Variants in STOX1 observed in about 807,000 individuals in gnomAD.
STOX1 encodes the protein storkhead-box protein 1.
A neutral mutation model predicts 74.8 loss-of-function variants in STOX1; 57 were observed. The observed-to-expected ratio is 0.76, with a 90% CI of 0.62 to 0.95. STOX1 has a LOEUF of 0.95. STOX1 is among the 40% of genes least tolerant of loss of function. The pLI is 0.00. For synonymous variants in STOX1, 375 were observed against 401.3 expected (o/e 0.93, Z 0.78); for missense variants, 1,010 against 1,117.0 (o/e 0.90, Z 1.37).
At chr10:68,855,751 A>AG (rs1218317991) in intron 1 of STOX1, among the ~76,000 whole-genome samples, 37 of 149,820 alleles carry the variant, frequency 2.5e-4, no homozygotes, top group African/African-American at 9.0e-4. Flanking sequence ...GGCTAAAAAA[A>AG]GGAAAAAAAA....
intron 3 of STOX1, among the ~76,000 whole-genome samples, chr10:68,888,526 T>C (rs1042532041): frequency 6.6e-6 from 1 of 152,304 alleles, no homozygotes; most frequent in African/African-American, 2.4e-5. Flanking sequence ...ATTTTGCATG[T>C]TGCTTTTTAA....
At chr10:68,879,118 C>T (rs1270556591) in intron 1 of STOX1, among the ~76,000 whole-genome samples, 1 of 152,126 alleles carries the variant, frequency 6.6e-6, no homozygotes, top group Non-Finnish European at 1.5e-5. Flanking sequence ...CTGGCCTCCC[C>T]CAGCTCTCAC....
At chr10:68,842,505 C>T (rs78299973) in intron 1 of STOX1, among the ~76,000 whole-genome samples, 6 of 148,570 alleles carry the variant, frequency 4.0e-5, no homozygotes, top group South Asian at 2.1e-4. Context: ...CTTGTTGATG[C>T]GAGGTGCCTC....
chr10:68,853,881 T>C (rs1408902550), intron 1 of STOX1, among the ~76,000 whole-genome samples: 1 of 151,760 alleles, frequency 6.6e-6, no homozygotes, highest in Non-Finnish European at 1.5e-5. Flanking sequence ...GCCAGGGTTT[T>C]TCCATGTTGG....
downstream of STOX1, among the ~76,000 whole-genome samples, chr10:68,894,812 A>T (rs145602987): frequency 9.4e-3 from 1,437 of 152,250 alleles, 10 homozygotes; most frequent in Middle Eastern, 0.017. Flanking sequence ...TGCAGCCTCG[A>T]CCTGTTGGAC....
chr10:68,859,725 G>A (rs1268246444), intron 1 of STOX1, among the ~76,000 whole-genome samples: 6 of 151,978 alleles, frequency 3.9e-5, no homozygotes, highest in African/African-American at 1.5e-4. Context: ...TTCTAAAAAT[G>A]ACTTGAACAA....
rs1344446486 is a variant in STOX1, at chr10:68,877,411, A to G, written c.311-4547A>G. ...GTGTTTCATACATTTCTCCTTGGTA[A>G]TTAAAAGTAGTGCTTTTTGAAAAAT... is the stretch of plus-strand genomic sequence containing the variant. On this transcript the variant is annotated intron_variant, in intron 1 of 3. Coordinates refer to ENST00000298596, the MANE Select transcript of STOX1 (RefSeq NM_152709.5). Among the ~76,000 whole-genome samples the G allele has an allele frequency of 2.0e-5, 3 of 152,330 alleles. No homozygotes were observed. In the East Asian group the frequency reaches 5.8e-4, roughly 29 times the overall value.
At chr10:68,875,795 G>T (rs1235554591) in intron 1 of STOX1, among the ~76,000 whole-genome samples, 1 of 152,116 alleles carries the variant, frequency 6.6e-6, no homozygotes, top group Non-Finnish European at 1.5e-5. Flanking sequence ...CTGTCATTAG[G>T]CACCAGGGAG....
intron 1 of STOX1, among the ~76,000 whole-genome samples, chr10:68,842,086 G>A (rs1839704366): frequency 6.6e-6 from 1 of 152,152 alleles, no homozygotes; most frequent in South Asian, 2.1e-4. Context: ...GTGACCTGGG[G>A]CAGAGCAGTC....
In STOX1 at chr10:68,886,384, C is replaced by T; in HGVS notation, c.2588C>T (p.Ala863Val). The T allele has an allele frequency of 6.2e-7, 1 of 1,614,162 alleles. No individual in the cohort carries two copies. Among genetic ancestry groups the T allele is most frequent in the East Asian group, 2.2e-5 (1 of 44,888 alleles). Reference sequence around the variant, plus strand: ...TTTGATTACTATAGCGCAAGAAAAGCCAGTTTTGAAGCTGAAGTCATACAA... The same window carrying T: ...TTTGATTACTATAGCGCAAGAAAAGTCAGTTTTGAAGCTGAAGTCATACAA... ...RIFDYYSARK[A>V]SFEAEVIQDT... The change falls in exon 3 of 4, where the codon GCC (alanine) becomes GTC (valine). Residue 863 changes from alanine to valine, a missense_variant. Transcript: ENST00000298596.
intron 1 of STOX1, among the ~76,000 whole-genome samples, chr10:68,857,799 GC>G (rs1424368140): frequency 2.0e-5 from 3 of 152,024 alleles, no homozygotes; most frequent in African/African-American, 7.3e-5. Flanking sequence ...CCAGGCTGGA[GC>G]CTGAGGTGGT....
chr10:68,853,278 C>T lies in STOX1; in HGVS notation c.310+25345C>T, dbSNP rs988845198. Among the ~76,000 whole-genome samples, 12 of 152,196 alleles carry T rather than the reference C, an allele frequency of 7.9e-5. No homozygotes were observed. The South Asian group carries it at 1.7e-3, about 21-fold the overall frequency. On this transcript the variant is annotated intron_variant, in intron 1 of 3. Coordinates refer to ENST00000298596, the MANE Select transcript of STOX1 (RefSeq NM_152709.5). ...GTGCTAGGACCCAATCCGCTGGGTT[C>T]GCCTTAAGCAGCACTTATTCAGCTA...
chr10:68,858,701 A>C (rs547066831), intron 1 of STOX1, among the ~76,000 whole-genome samples: 55 of 152,114 alleles, frequency 3.6e-4, no homozygotes, highest in African/African-American at 1.1e-3. Context: ...GAGGGTGGGC[A>C]ATGGGGTAGA....
Position 68,885,046 on chromosome 10 carries a change from G to A in STOX1, c.1250G>A (p.Gly417Asp). The A allele has an allele frequency of 6.2e-7, 1 of 1,614,120 alleles. No homozygotes were observed. The highest frequency in any genetic ancestry group is 1.1e-5 in the South Asian group (1 of 91,074). Residue 417 changes from glycine (G) to aspartate (D), a missense_variant, in exon 3 of 4, where the codon GGT becomes GAT. Physicochemically the swap from Gly to Asp is moderately conservative, Grantham distance 94 (BLOSUM62 -1). Transcript: ENST00000298596. ...PSKEGVKKRQ[G>D]LSAKPQGQGH... ...AAAGAGGGGGTTAAGAAAAGGCAGG[G>A]TCTGTCTGCAAAACCTCAAGGGCAG... is the stretch of plus-strand genomic sequence containing the variant.
chr10:68,886,721 G>C, intron 3 of STOX1, 103 bp downstream of exon 3: 1 of 1,007,542 alleles, frequency 9.9e-7, no homozygotes, highest in South Asian at 1.3e-5. Flanking sequence ...GAGGTCAAGA[G>C]ATTGAGACCA....
intron 1 of STOX1, among the ~76,000 whole-genome samples, chr10:68,855,694 C>T (rs1301272790): frequency 1.3e-5 from 2 of 151,766 alleles, no homozygotes; most frequent in East Asian, 1.9e-4. Flanking sequence ...ATCCTCCCAC[C>T]TCAGCCTCCC....
At chr10:68,843,936 T>A (rs1020986955) in intron 1 of STOX1, among the ~76,000 whole-genome samples, 1 of 151,964 alleles carries the variant, frequency 6.6e-6, no homozygotes, top group Non-Finnish European at 1.5e-5. Context: ...ATCCCAGCAC[T>A]TTGGGAGGCC....
chr10:68,892,627 A>G lies in STOX1; in HGVS notation c.2861A>G (p.Asp954Gly). The change falls in exon 4 of 4, where the codon GAT (aspartate) becomes GGT (glycine). Residue 954 changes from aspartate to glycine, a missense_variant. Physicochemically the swap from Asp to Gly is moderately conservative, Grantham distance 94. Coordinates refer to ENST00000298596, the MANE Select transcript of STOX1 (RefSeq NM_152709.5). ...GGATCTAATAATTCAGTCATTTTGGATGGACTAAAAAGAAGACAGAATTTT... is the reference window on the plus strand; with the variant it reads ...GGATCTAATAATTCAGTCATTTTGGGTGGACTAAAAAGAAGACAGAATTTT... ...SLGSNNSVIL[D>G]GLKRRQNFLQ... 1 of 1,613,530 alleles carries G rather than the reference A, an allele frequency of 6.2e-7. No homozygotes were observed. The highest frequency in any genetic ancestry group is 1.1e-5 in the South Asian group (1 of 91,074).
chr10:68,869,961 G>C (rs898967708), intron 1 of STOX1, among the ~76,000 whole-genome samples: 3 of 152,034 alleles, frequency 2.0e-5, no homozygotes, highest in African/African-American at 7.2e-5. Flanking sequence ...CTTACTCAGG[G>C]TCACAGAGCA....
Sources: gnomAD v4.1 joint callset for allele counts (sites outside exome capture counted in the v4.1 genomes callset) on GRCh38, gnomAD v4.1.1 for gene constraint, MANE v1.5 for transcripts, NCBI Gene and HGNC (gene_info 2026-07-23, HGNC 2026-07-21) for gene names.